The following ADAMTS17 variants were observed in gnomAD, a reference collection of about 807,000 sequenced individuals.
ADAMTS17 encodes the protein A disintegrin and metalloproteinase with thrombospondin motifs 17.
Under a neutral mutation model 141.5 loss-of-function variants are expected in ADAMTS17, and 113 were observed. That is an observed-to-expected ratio of 0.80 (90% confidence interval 0.69 to 0.93). ADAMTS17 has a LOEUF of 0.93. Ranked by LOEUF, ADAMTS17 falls within the 40% of genes least tolerant of loss-of-function variation. ADAMTS17 has a pLI of 0.00. For missense variants in ADAMTS17, 1,659 were observed against 1,517.9 expected, an observed-to-expected ratio of 1.09 and a Z score of -1.54; for synonymous variants, 768 against 630.6, an observed-to-expected ratio of 1.22 and a Z score of -3.27.
chr15:100,276,381 A>C (rs2044089967), intron 4 of ADAMTS17, among the ~76,000 whole-genome samples: 1 of 33,178 alleles, frequency 3.0e-5, no homozygotes, highest in Admixed American at 3.5e-4. Context: ...GCCTGGTGGG[A>C]GAGTGGGAGG....
chr15:100,286,900 G>A (rs1370838992), intron 3 of ADAMTS17, among the ~76,000 whole-genome samples: 17 of 152,226 alleles, frequency 1.1e-4, no homozygotes. Context: ...AAATGATACA[G>A]GAGCTAAAAG....
At chr15:100,038,865 G>T (rs1344040332) in intron 18 of ADAMTS17, among the ~76,000 whole-genome samples, 3 of 152,240 alleles carry the variant, frequency 2.0e-5, no homozygotes, top group Non-Finnish European at 4.4e-5. Flanking sequence ...GATAGAAATA[G>T]TAAGAGCAGA....
chr15:100,237,665 C>A (rs1389028763), intron 7 of ADAMTS17, among the ~76,000 whole-genome samples: 2 of 152,134 alleles, frequency 1.3e-5, no homozygotes, highest in African/African-American at 4.8e-5. Flanking sequence ...GCTCTGTCAC[C>A]CAGGCTGGAG....
chr15:100,255,247 G>A (rs1323460716), intron 6 of ADAMTS17, among the ~76,000 whole-genome samples: 1 of 152,084 alleles, frequency 6.6e-6, no homozygotes, highest in African/African-American at 2.4e-5. Flanking sequence ...AACCACAGAG[G>A]GTTGGCTGGG....
intron 3 of ADAMTS17, among the ~76,000 whole-genome samples, chr15:100,313,547 T>C (rs920832788): frequency 1.3e-5 from 2 of 152,194 alleles, no homozygotes; most frequent in African/African-American, 4.8e-5. Flanking sequence ...AAATGTAGAA[T>C]GAATATTCAT....
intron 3 of ADAMTS17, among the ~76,000 whole-genome samples, chr15:100,282,693 G>C (rs964877070): frequency 6.6e-6 from 1 of 152,130 alleles, no homozygotes. Flanking sequence ...AATAATCTGA[G>C]ATATGGGTCG....
At chr15:100,277,144 C>T (rs1224658627) in intron 4 of ADAMTS17, among the ~76,000 whole-genome samples, 1 of 152,134 alleles carries the variant, frequency 6.6e-6, no homozygotes, top group Non-Finnish European at 1.5e-5. Context: ...CAGCCCTTCT[C>T]ACAGTGGGAT....
rs528163254 is a variant in ADAMTS17, at chr15:100,331,025, C to G, written c.480G>C (p.Gln160His). 6.2e-6 allele frequency: 10 copies of G among 1,614,152 alleles called. No individual in the cohort carries two copies. Among genetic ancestry groups the G allele is most frequent in the Middle Eastern group, 1.6e-4 (1 of 6,062 alleles). ...AGTTGTTGAGGGGCTGGATTAGCAC[C>G]TGCTCCTGCCCAAGCTGAATGAGGC... ...LVGLIQLGQE[Q>H]VLIQPLNNSQ... is the part of the protein sequence containing the mutation. Residue 160 changes from glutamine to histidine, a missense_variant, in exon 3 of 22, where the codon CAG (glutamine) becomes CAC (histidine). Gln to His is a conservative substitution (Grantham distance 24). Coordinates refer to ENST00000268070, the MANE Select transcript of ADAMTS17 (RefSeq NM_139057.4).
Position 100,116,912 on chromosome 15 carries a change from T to A in ADAMTS17, c.1823A>T (p.Gln608Leu). ...GCTCAGCCGGTCGTGTGCCTGGCAC[T>A]GCTGGTCCCGGAAGCTGGGCAGACC... ...PKGLPSFRDQ[Q>L]CQAHDRLSPK... The change falls in exon 13 of 22, where the codon CAG becomes CTG. Residue 608 changes from glutamine (Q) to leucine (L), a missense_variant. By Grantham distance (113) the Gln-to-Leu change is moderately radical. Transcript: ENST00000268070. 1 of 1,614,196 alleles carries A rather than the reference T, an allele frequency of 6.2e-7. No individual in the cohort carries two copies. Among genetic ancestry groups the A allele is most frequent in the Non-Finnish European group, 8.5e-7 (1 of 1,180,044 alleles).
chr15:100,225,571 T>A lies in ADAMTS17; in HGVS notation c.1076-26148A>T, dbSNP rs114602763. Among the ~76,000 whole-genome samples the A allele has an allele frequency of 2.5e-3, 375 of 147,300 alleles. 1 individual carries two copies. The highest frequency in any genetic ancestry group is 9.1e-3 in the African/African-American group (357 of 39,338). On this transcript the variant is annotated intron_variant, in intron 7 of 21. Transcript: ENST00000268070. ...CAGTCACGGTCTCTGTGCCATTCAG[T>A]CCTCACAGCAGTCACGGTCTCTGTG... is the stretch of plus-strand genomic sequence containing the variant.
chr15:100,054,127 T>C, intron 15 of ADAMTS17, 73 bp from the exon 16 acceptor site: 1 of 1,581,060 alleles, frequency 6.3e-7, no homozygotes, highest in Non-Finnish European at 8.7e-7. Context: ...TTAAACGGAA[T>C]CTACAGCCCC....
rs894932851 is a variant in ADAMTS17, at chr15:100,262,490, C to T, written c.790-55G>A. ...ATAAAGATAAAAAATTTTAAAAATA[C>T]AGTAGTATCCTAGATGGGAACTTGG... is the stretch of plus-strand genomic sequence containing the variant. On this transcript the variant is annotated intron_variant, in intron 4 of 21. Transcript: ENST00000268070. The T allele has an allele frequency of 5.8e-6, 8 of 1,377,412 alleles. No homozygotes were observed. The African/African-American group carries it at 8.7e-5, about 15-fold the overall frequency. 85.3% of individuals were successfully genotyped at this position (1,377,412 alleles called of 1,614,324 possible).
At chr15:100,147,762 A>G (rs4246302) in intron 10 of ADAMTS17, among the ~76,000 whole-genome samples, 40,797 of 152,064 alleles carry the variant, frequency 0.27, 6,007 homozygotes, top group East Asian at 0.37. Context: ...AAAACCCTAA[A>G]CTAATGTATT....
At chr15:100,222,370 C>T (rs111838979) in intron 7 of ADAMTS17, among the ~76,000 whole-genome samples, 2 of 152,296 alleles carry the variant, frequency 1.3e-5, no homozygotes, top group Non-Finnish European at 2.9e-5. Context: ...TGAAAGGGGC[C>T]ACAGCACGTC....
chr15:100,018,323 GA>G (rs1475367963), intron 18 of ADAMTS17, among the ~76,000 whole-genome samples: 3 of 152,198 alleles, frequency 2.0e-5, no homozygotes, highest in South Asian at 4.1e-4. Context: ...AACAATAAAA[GA>G]AAAAAATCAC....
intron 7 of ADAMTS17, among the ~76,000 whole-genome samples, chr15:100,219,980 T>C (rs1191957058): frequency 1.3e-5 from 2 of 151,898 alleles, no homozygotes; most frequent in Non-Finnish European, 2.9e-5. Context: ...ATGAGGCGGG[T>C]ACAATTTTAT....
chr15:100,156,328 T>G (rs2039433913), intron 8 of ADAMTS17, among the ~76,000 whole-genome samples: 1 of 152,176 alleles, frequency 6.6e-6, no homozygotes, highest in Admixed American at 6.5e-5. Flanking sequence ...AAGAAACCCA[T>G]CCTGTCTTCT....
At chr15:100,143,937 G>C (rs2038777875) in intron 10 of ADAMTS17, among the ~76,000 whole-genome samples, 1 of 152,140 alleles carries the variant, frequency 6.6e-6, no homozygotes, top group Admixed American at 6.5e-5. Context: ...ATACAGAGAG[G>C]ACCAGTCAGA....
chr15:99,998,512 G>A (rs529082359), intron 18 of ADAMTS17, among the ~76,000 whole-genome samples: 28 of 152,240 alleles, frequency 1.8e-4, no homozygotes, highest in Non-Finnish European at 1.6e-4. Context: ...GCTGAGGCAG[G>A]AGAATCGCTT....
Sources: allele counts gnomAD v4.1 joint callset (sites outside exome capture counted in the v4.1 genomes callset), GRCh38; gene constraint gnomAD v4.1.1; transcripts MANE v1.5; gene names NCBI Gene and HGNC (gene_info 2026-07-23, HGNC 2026-07-21).